The following NTM variants were observed in gnomAD, a reference collection of about 807,000 sequenced individuals.
NTM encodes the protein neurotrimin, also known as IgLON family member 2.
Under a neutral mutation model 42.1 loss-of-function variants are expected in NTM, and 13 were observed. The ratio of observed to expected loss-of-function variants is 0.31; its 90% confidence interval spans 0.20 to 0.49. The LOEUF (loss-of-function observed/expected upper bound fraction) is 0.49, where lower values mean the gene tolerates loss of function less well. Ranked by LOEUF, NTM falls within the 20% of genes least tolerant of loss-of-function variation. The pLI is 0.99. For synonymous variants in NTM, 187 were observed against 179.2 expected (o/e 1.04, Z -0.35); for missense variants, 373 against 452.8 (o/e 0.82, Z 1.60).
intron 4 of NTM, among the ~76,000 whole-genome samples, chr11:132,265,552 C>T (rs2093130040): frequency 6.6e-6 from 1 of 152,106 alleles, no homozygotes; most frequent in Non-Finnish European, 1.5e-5. Context: ...AAAACCAGCA[C>T]TGATGTTAAT....
chr11:132,160,401 T>C (rs2074035506), intron 3 of NTM, among the ~76,000 whole-genome samples: 1 of 152,174 alleles, frequency 6.6e-6, no homozygotes, highest in Non-Finnish European at 1.5e-5. Context: ...AGCAGGCCCT[T>C]CACCCCTCTC....
At chr11:131,544,363 T>C (rs535641362) in intron 1 of NTM, among the ~76,000 whole-genome samples, 35 of 152,346 alleles carry the variant, frequency 2.3e-4, no homozygotes, top group African/African-American at 8.4e-4. Flanking sequence ...TTCGTTTGTC[T>C]ACAGTTCTCA....
At chr11:132,101,570 G>A (rs1267276676) in intron 2 of NTM, among the ~76,000 whole-genome samples, 1 of 151,932 alleles carries the variant, frequency 6.6e-6, no homozygotes, top group Non-Finnish European at 1.5e-5. Context: ...GTGTGTGTGT[G>A]TGTGTGTGTG....
chr11:131,401,232 G>A (rs949559198), intron 1 of NTM, among the ~76,000 whole-genome samples: 4 of 152,066 alleles, frequency 2.6e-5, no homozygotes, highest in Non-Finnish European at 5.9e-5. Flanking sequence ...ACACTCTCAG[G>A]TCATCTAGCT....
At chr11:132,320,752 A>G (rs994901666) in intron 7 of NTM, among the ~76,000 whole-genome samples, 11 of 151,892 alleles carry the variant, frequency 7.2e-5, no homozygotes, top group Admixed American at 5.9e-4. Flanking sequence ...GACAGCAGTA[A>G]CCTCTGCAGA....
At chr11:131,920,797 T>C (rs1245469061) in intron 2 of NTM, among the ~76,000 whole-genome samples, 3 of 152,148 alleles carry the variant, frequency 2.0e-5, no homozygotes. Context: ...ACCAACAGAC[T>C]GATGGAAAAT....
intron 1 of NTM, among the ~76,000 whole-genome samples, chr11:131,651,415 A>G (rs61524251): frequency 0.017 from 2,666 of 152,346 alleles, 83 homozygotes; most frequent in African/African-American, 0.061. Flanking sequence ...CATCTTCCAT[A>G]GTAAACTTTA....
intron 1 of NTM, among the ~76,000 whole-genome samples, chr11:131,847,987 G>A (rs1173505327): frequency 1.3e-5 from 2 of 152,130 alleles, no homozygotes; most frequent in Admixed American, 6.6e-5. Context: ...ACCACACATG[G>A]GAAATGTCCA....
intron 1 of NTM, among the ~76,000 whole-genome samples, chr11:131,866,251 T>A (rs988692885): frequency 2.0e-4 from 30 of 152,092 alleles, no homozygotes; most frequent in Admixed American, 3.9e-4. Context: ...CACCCTTCTT[T>A]TTCCATTCAG....
At chr11:132,188,192 T>TCCTG (rs2078732746) in intron 3 of NTM, among the ~76,000 whole-genome samples, 1 of 152,138 alleles carries the variant, frequency 6.6e-6, no homozygotes, top group Non-Finnish European at 1.5e-5. Context: ...CTGCAAAACA[T>TCCTG]CCTGCAATGC....
At chr11:131,538,099 T>C (rs1396541749) in intron 1 of NTM, 3 of 152,244 alleles carry the variant, frequency 2.0e-5, no homozygotes, top group East Asian at 3.8e-4. Context: ...ATTTATTGCT[T>C]GTTTGCTACC....
chr11:131,929,580 A>C (rs2058368814), intron 2 of NTM, among the ~76,000 whole-genome samples: 1 of 151,970 alleles, frequency 6.6e-6, no homozygotes, highest in Admixed American at 6.6e-5. Context: ...GCCCTCGTGT[A>C]GAACCTCCTC....
chr11:132,159,309 T>C (rs987122699), intron 3 of NTM, among the ~76,000 whole-genome samples: 1 of 152,172 alleles, frequency 6.6e-6, no homozygotes, highest in Non-Finnish European at 1.5e-5. Flanking sequence ...GATGATCCTA[T>C]TCCTAAGAGA....
At chr11:131,525,610 T>A (rs762722841) in intron 1 of NTM, among the ~76,000 whole-genome samples, 3 of 152,180 alleles carry the variant, frequency 2.0e-5, no homozygotes, top group African/African-American at 4.8e-5. Context: ...GGCGCTCTCT[T>A]CACTGTGTGA....
intron 1 of NTM, among the ~76,000 whole-genome samples, chr11:131,665,583 T>C (rs553276247): frequency 2.0e-4 from 31 of 152,294 alleles, no homozygotes; most frequent in African/African-American, 5.1e-4. Flanking sequence ...CAGAGACGCC[T>C]AAGAGGAAAC....
At chr11:132,086,344 G>A (rs1360956876) in intron 2 of NTM, among the ~76,000 whole-genome samples, 2 of 136,116 alleles carry the variant, frequency 1.5e-5, no homozygotes, top group Admixed American at 7.3e-5. Context: ...AAAAAAAATA[G>A]TGGCAAGACA....
intron 2 of NTM, among the ~76,000 whole-genome samples, chr11:132,011,419 G>A (rs566774672): frequency 1.5e-4 from 23 of 152,138 alleles, no homozygotes; most frequent in Non-Finnish European, 3.1e-4. Flanking sequence ...TAATGGCAGC[G>A]GAGTCAATAA....
Position 131,878,597 on chromosome 11 carries a change from ATATATATATAT to A in NTM, c.83-32966_83-32956del, listed in dbSNP as rs2048946078. Reference sequence around the variant, plus strand: ...AAAAAAAAAAAAAAAAAAAAAAAATATATATATATATATATATATATATATATATATATATA... The same window carrying A: ...AAAAAAAAAAAAAAAAAAAAAAAATAATATATATATATATATATATATATA... On this transcript the variant is annotated intron_variant, in intron 1 of 8. Transcript: ENST00000683400. Among the ~76,000 whole-genome samples, 21 of 9,714 alleles carry A rather than the reference ATATATATATAT, an allele frequency of 2.2e-3. 4 individuals carry two copies. The highest frequency in any genetic ancestry group is 3.4e-3 in the Non-Finnish European group (16 of 4,688). 6.4% of individuals were successfully genotyped at this position (9,714 alleles called of 152,430 possible). A position where few individuals can be genotyped will look rare whatever the true frequency, so the allele number is the denominator to read the frequency against.
intron 1 of NTM, among the ~76,000 whole-genome samples, chr11:131,891,927 A>T (rs574141186): frequency 6.6e-6 from 1 of 152,120 alleles, no homozygotes; most frequent in Non-Finnish European, 1.5e-5. Context: ...CTGTTATCCT[A>T]TCTAAACACT....
Sources: gnomAD v4.1 joint callset for allele counts (sites outside exome capture counted in the v4.1 genomes callset) on GRCh38, gnomAD v4.1.1 for gene constraint, MANE v1.5 for transcripts, NCBI Gene and HGNC (gene_info 2026-07-23, HGNC 2026-07-21) for gene names.